Variants in SOX6 observed in about 807,000 individuals in gnomAD.
SOX6 encodes the protein SRY-box transcription factor 6, also known as transcription factor SOX-6.
SOX6 carries 11 observed loss-of-function variants against 97.8 expected under a neutral mutation model. That is an observed-to-expected ratio of 0.11 (90% confidence interval 0.07 to 0.19). The LOEUF (loss-of-function observed/expected upper bound fraction) is 0.19, where lower values mean the gene tolerates loss of function less well. Among genes scored for constraint, SOX6 ranks in the 10% least tolerant of loss-of-function variants. The probability of loss-of-function intolerance (pLI) is 1.00; values close to 1 mark genes in which losing one functional copy is unlikely to be tolerated. For missense variants in SOX6, 810 were observed against 1,039.5 expected, an observed-to-expected ratio of 0.78 and a Z score of 3.04; for synonymous variants, 360 against 371.4, an observed-to-expected ratio of 0.97 and a Z score of 0.35.
intron 4 of SOX6, among the ~76,000 whole-genome samples, chr11:16,511,791 T>A (rs1463257333): frequency 1.3e-5 from 2 of 152,164 alleles, no homozygotes; most frequent in Non-Finnish European, 2.9e-5. Flanking sequence ...CAAAATAACA[T>A]GCAGGATGAG....
chr11:16,666,545 T>A (rs1847808195), intron 3 of SOX6, among the ~76,000 whole-genome samples: 1 of 152,110 alleles, frequency 6.6e-6, no homozygotes, highest in South Asian at 2.1e-4. Context: ...ATGGCTCATG[T>A]CTGTAATCCC....
At chr11:16,010,103 A>G (rs1854667826) in intron 13 of SOX6, among the ~76,000 whole-genome samples, 1 of 150,716 alleles carries the variant, frequency 6.6e-6, no homozygotes, top group African/African-American at 2.4e-5. Context: ...CCTGAGATAT[A>G]AAACTTAGAA....
intron 3 of SOX6, among the ~76,000 whole-genome samples, chr11:16,265,076 A>C (rs1854037054): frequency 6.6e-6 from 1 of 151,892 alleles, no homozygotes; most frequent in Non-Finnish European, 1.5e-5. Context: ...AAAGTTCAAA[A>C]AGACTTAGGT....
chr11:16,151,367 T>C (rs2134056343), intron 6 of SOX6, among the ~76,000 whole-genome samples: 1 of 152,302 alleles, frequency 6.6e-6, no homozygotes, highest in Admixed American at 6.5e-5. Flanking sequence ...TTGCAGCTGC[T>C]GAGTAATACT....
chr11:16,208,554 A>G (rs1345754045), intron 4 of SOX6, among the ~76,000 whole-genome samples: 2 of 152,210 alleles, frequency 1.3e-5, no homozygotes, highest in Non-Finnish European at 2.9e-5. Context: ...TGACAGACAA[A>G]GAGTGGTTAT....
At chr11:16,415,432 A>C (rs1386211819) in intron 1 of SOX6, among the ~76,000 whole-genome samples, 2 of 152,140 alleles carry the variant, frequency 1.3e-5, no homozygotes, top group Non-Finnish European at 2.9e-5. Context: ...AAAAGATACA[A>C]AATTACAGCT....
chr11:16,618,331 T>C (rs1463858864), intron 3 of SOX6, among the ~76,000 whole-genome samples: 1 of 152,008 alleles, frequency 6.6e-6, no homozygotes. Context: ...TCTATATTTA[T>C]CATGCATCTT....
intron 1 of SOX6, among the ~76,000 whole-genome samples, chr11:16,470,926 T>A (rs1461466947): frequency 2.0e-5 from 3 of 152,126 alleles, no homozygotes; most frequent in Non-Finnish European, 2.9e-5. Context: ...TCACTTTTTG[T>A]ACCACACAAT....
chr11:16,477,258 G>A (rs1860269620), upstream of SOX6, among the ~76,000 whole-genome samples: 1 of 152,102 alleles, frequency 6.6e-6, no homozygotes, highest in Non-Finnish European at 1.5e-5. Flanking sequence ...CTAGGCTCTG[G>A]GGACTGGCTT....
chr11:16,304,001 C>A (rs1048574672), intron 3 of SOX6, among the ~76,000 whole-genome samples: 1 of 152,050 alleles, frequency 6.6e-6, no homozygotes, highest in East Asian at 1.9e-4. Context: ...ACTGCAACAT[C>A]CACCTCTCAG....
intron 13 of SOX6, among the ~76,000 whole-genome samples, chr11:15,995,311 G>C (rs1475653336): frequency 6.6e-6 from 1 of 152,072 alleles, no homozygotes; most frequent in African/African-American, 2.4e-5. Flanking sequence ...AATATGCCAG[G>C]ACTAAGGATT....
chr11:16,499,987 G>C (rs11529586), intron 4 of SOX6, among the ~76,000 whole-genome samples: 33,474 of 152,062 alleles, frequency 0.22, 4,183 homozygotes, highest in East Asian at 0.51. Flanking sequence ...TGATACCAAA[G>C]CCTGGCAGAG....
chr11:16,729,303 G>C (rs1262642555), intron 2 of SOX6, among the ~76,000 whole-genome samples: 2 of 152,098 alleles, frequency 1.3e-5, no homozygotes, highest in Non-Finnish European at 2.9e-5. Context: ...TGAAATGAAG[G>C]AAAAAATGTT....
chr11:16,003,949 AT>A (rs1428358998), intron 13 of SOX6, among the ~76,000 whole-genome samples: 8 of 151,778 alleles, frequency 5.3e-5, no homozygotes, highest in African/African-American at 9.7e-5. Flanking sequence ...CATGTCTGAG[AT>A]TTTTGGAAAT....
chr11:16,308,817 C>T lies in SOX6; in HGVS notation c.445+9629G>A, dbSNP rs551346587. Among the ~76,000 whole-genome samples the T allele has an allele frequency of 4.6e-5, 7 of 152,190 alleles. No homozygotes were observed. The South Asian group carries it at 8.3e-4, about 18-fold the overall frequency. On this transcript the variant is annotated intron_variant, in intron 3 of 15. Transcript: ENST00000683767. ...TAGTAATCACAGTCCAGTAGAAGAA[C>T]GACGATATTCTTGTGCTCCTAGTTG...
chr11:16,245,157 T>C (rs943285788), intron 3 of SOX6, among the ~76,000 whole-genome samples: 2 of 151,816 alleles, frequency 1.3e-5, no homozygotes. Context: ...TAGTTTAAAA[T>C]ACTTTACAAT....
At chr11:16,682,844 A>G (rs952279734) in intron 3 of SOX6, among the ~76,000 whole-genome samples, 3 of 152,168 alleles carry the variant, frequency 2.0e-5, no homozygotes, top group African/African-American at 7.2e-5. Flanking sequence ...AAACCCCATC[A>G]TCTCCGCCCA....
intron 7 of SOX6, among the ~76,000 whole-genome samples, chr11:16,110,675 T>C (rs1849207846): frequency 6.6e-6 from 1 of 152,150 alleles, no homozygotes; most frequent in Non-Finnish European, 1.5e-5. Context: ...GCCACAGACA[T>C]CCTACCTTTT....
chr11:16,423,651 G>C (rs1859064434), intron 1 of SOX6, among the ~76,000 whole-genome samples: 1 of 152,074 alleles, frequency 6.6e-6, no homozygotes, highest in Non-Finnish European at 1.5e-5. Flanking sequence ...GATTGACTTA[G>C]GGGAAAGAAA....
Sources: gnomAD v4.1 joint callset for allele counts (sites outside exome capture counted in the v4.1 genomes callset) on GRCh38, gnomAD v4.1.1 for gene constraint, MANE v1.5 for transcripts, NCBI Gene and HGNC (gene_info 2026-07-23, HGNC 2026-07-21) for gene names.